The following OPCML variants were observed in gnomAD, a reference collection of about 807,000 sequenced individuals.
The protein encoded by OPCML is opioid-binding protein/cell adhesion molecule.
A neutral mutation model predicts 37.8 loss-of-function variants in OPCML; 13 were observed. The ratio of observed to expected loss-of-function variants is 0.34; its 90% CI spans 0.22 to 0.55. The LOEUF is 0.55. Ranked by LOEUF, OPCML falls within the 20% of genes least tolerant of loss-of-function variation. OPCML has a pLI of 0.91. For missense variants in OPCML, 341 were observed against 435.6 expected (o/e 0.78, Z 1.93); for synonymous variants, 176 against 168.8 (o/e 1.04, Z -0.33).
At chr11:132,836,075 G>A (rs1001166171) in intron 2 of OPCML, among the ~76,000 whole-genome samples, 1 of 152,150 alleles carries the variant, frequency 6.6e-6, no homozygotes, top group Non-Finnish European at 1.5e-5. Context: ...AGGGTAGGTG[G>A]TAAGAGATGT....
chr11:133,410,652 AAAAAAAAAAAAAAAAAAAAAAG>A (rs1945630566), intron 1 of OPCML, among the ~76,000 whole-genome samples: 1 of 92,162 alleles, frequency 1.1e-5, no homozygotes, highest in African/African-American at 4.7e-5. Context: ...AAAAAAAAAA[AAAAAAAAAAAAAAAAAAAAAAG>A]ACCTCTCTTT....
intron 1 of OPCML, among the ~76,000 whole-genome samples, chr11:133,443,129 T>C (rs1946398280): frequency 6.6e-6 from 1 of 152,182 alleles, no homozygotes; most frequent in South Asian, 2.1e-4. Flanking sequence ...CAGCACATTA[T>C]TGTAATAGTT....
intron 1 of OPCML, among the ~76,000 whole-genome samples, chr11:133,350,278 G>C (rs1424118047): frequency 2.0e-5 from 3 of 152,190 alleles, no homozygotes; most frequent in Non-Finnish European, 4.4e-5. Context: ...CCACACGCTA[G>C]AACACTGCCT....
chr11:133,258,292 G>A (rs1592146480), intron 1 of OPCML, among the ~76,000 whole-genome samples: 1 of 152,158 alleles, frequency 6.6e-6, no homozygotes, highest in East Asian at 1.9e-4. Flanking sequence ...TTATTTCTGT[G>A]AATAGGGGAT....
intron 3 of OPCML, among the ~76,000 whole-genome samples, chr11:132,550,150 C>T (rs1324812835): frequency 6.6e-6 from 1 of 152,146 alleles, no homozygotes; most frequent in East Asian, 1.9e-4. Context: ...ACAAACTCAC[C>T]TTATACACAC....
chr11:132,597,240 C>T (rs1216858289), intron 3 of OPCML, among the ~76,000 whole-genome samples: 1 of 152,172 alleles, frequency 6.6e-6, no homozygotes, highest in Non-Finnish European at 1.5e-5. Context: ...GACTTTATTA[C>T]TACTCCATTT....
intron 2 of OPCML, among the ~76,000 whole-genome samples, chr11:132,864,494 C>T (rs926420684): frequency 3.3e-5 from 5 of 152,170 alleles, no homozygotes; most frequent in Admixed American, 2.6e-4. Context: ...TATGTCTCCA[C>T]CTCACAGGGT....
At chr11:132,923,483 T>C (rs1944882320) in intron 2 of OPCML, among the ~76,000 whole-genome samples, 1 of 152,124 alleles carries the variant, frequency 6.6e-6, no homozygotes, top group Non-Finnish European at 1.5e-5. Flanking sequence ...TTGAGAGAGA[T>C]CTGAAAGATG....
At chr11:133,477,558 G>GT (rs895466373) in intron 1 of OPCML, among the ~76,000 whole-genome samples, 1 of 151,906 alleles carries the variant, frequency 6.6e-6, no homozygotes, top group South Asian at 2.1e-4. Flanking sequence ...TTTGATGCGG[G>GT]TTTTTTTTCT....
At chr11:132,756,882 C>T (rs2136084771) in intron 2 of OPCML, among the ~76,000 whole-genome samples, 1 of 152,252 alleles carries the variant, frequency 6.6e-6, no homozygotes, top group Middle Eastern at 3.4e-3. Flanking sequence ...CTGCACCCAT[C>T]AACCCATCAT....
chr11:133,042,278 G>A (rs1366264906), intron 1 of OPCML, among the ~76,000 whole-genome samples: 1 of 152,186 alleles, frequency 6.6e-6, no homozygotes, highest in Non-Finnish European at 1.5e-5. Flanking sequence ...AAGGGTCCTG[G>A]GAGCCTAATG....
intron 3 of OPCML, among the ~76,000 whole-genome samples, chr11:132,571,339 C>T (rs886663825): frequency 2.6e-5 from 4 of 152,190 alleles, no homozygotes; most frequent in Middle Eastern, 3.4e-3. Flanking sequence ...CATGGGACTT[C>T]GCCTTGTGAT....
At chr11:133,423,629 G>GT (rs1945938624) in intron 1 of OPCML, among the ~76,000 whole-genome samples, 1 of 152,190 alleles carries the variant, frequency 6.6e-6, no homozygotes, top group Non-Finnish European at 1.5e-5. Flanking sequence ...TTGCTGAGTG[G>GT]TTGTGGAATT....
At chr11:133,006,803 C>A in intron 1 of OPCML, 1 of 985,452 alleles carries the variant, frequency 1.0e-6, no homozygotes, top group Non-Finnish European at 1.2e-6. Flanking sequence ...GCCTTCCACT[C>A]TAGCAGGAGC....
chr11:133,478,445 G>C (rs1947291885), intron 1 of OPCML, among the ~76,000 whole-genome samples: 1 of 152,120 alleles, frequency 6.6e-6, no homozygotes. Flanking sequence ...CTGTGCTCCT[G>C]TTGTGTAGAT....
At chr11:132,695,734 A>G (rs563466196) in intron 2 of OPCML, among the ~76,000 whole-genome samples, 1 of 152,310 alleles carries the variant, frequency 6.6e-6, no homozygotes, top group East Asian at 1.9e-4. Context: ...CAATGACAGT[A>G]AAGGGGAAAA....
At chr11:133,379,902 T>C (rs1944896252) in intron 1 of OPCML, among the ~76,000 whole-genome samples, 1 of 152,210 alleles carries the variant, frequency 6.6e-6, no homozygotes, top group Non-Finnish European at 1.5e-5. Context: ...TTCTGGAATA[T>C]GTATTTGTAG....
At chr11:133,121,839 G>A (rs897421131) in intron 1 of OPCML, among the ~76,000 whole-genome samples, 2 of 152,082 alleles carry the variant, frequency 1.3e-5, no homozygotes, top group Non-Finnish European at 2.9e-5. Context: ...ATTACAAAAC[G>A]TCTTCTATTT....
At chr11:133,073,294 C>T (rs906300209) in intron 1 of OPCML, among the ~76,000 whole-genome samples, 4 of 152,188 alleles carry the variant, frequency 2.6e-5, no homozygotes, top group African/African-American at 7.2e-5. Flanking sequence ...TCGGTTTGCA[C>T]CTGCGAGGAG....
Sources: gnomAD v4.1 joint callset for allele counts (sites outside exome capture counted in the v4.1 genomes callset) on GRCh38, gnomAD v4.1.1 for gene constraint, MANE v1.5 for transcripts, NCBI Gene and HGNC (gene_info 2026-07-23, HGNC 2026-07-21) for gene names.